The following FHIP1A variants were observed in gnomAD, a reference collection of about 807,000 sequenced individuals.
FHIP1A encodes the protein FHF complex subunit HOOK-interacting protein 1A.
A neutral mutation model predicts 88.6 loss-of-function variants in FHIP1A; 61 were observed. That is an observed-to-expected ratio of 0.69 (90% CI 0.56 to 0.85). The LOEUF (loss-of-function observed/expected upper bound fraction) is 0.85. Among genes scored for constraint, FHIP1A ranks in the 40% least tolerant of loss-of-function variants. The pLI is 0.00. For synonymous variants in FHIP1A, 478 were observed against 496.0 expected (o/e 0.96, Z 0.48); for missense variants, 1,154 against 1,273.5 (o/e 0.91, Z 1.43).
At position 151,656,614 on chromosome 4, in the gene FHIP1A, C is replaced by T. The variant is rs761275286; in HGVS notation, c.2731-146C>T. On this transcript the variant is annotated intron_variant, in intron 12 of 13. Transcript: ENST00000435205. This position sits in a 1 kb window ranked among gnomAD's most constrained non-coding sequence, Gnocchi z 4.2. The stretch of plus-strand genomic sequence containing the variant: ...AGTTTGATGTTTTGACGGTGCCCTA[C>T]GCAGAACACCCAGGCAGTTAAAAAT... 107 of 1,026,816 alleles carry T rather than the reference C, an allele frequency of 1.0e-4. No individual in the cohort carries two copies. Among genetic ancestry groups the T allele is most frequent in the Admixed American group, 5.6e-4 (21 of 37,716 alleles). 63.6% of individuals were successfully genotyped at this position (1,026,816 alleles called of 1,614,324 possible).
At chr4:151,421,099 G>GTAGT (rs1204340334) in intron 1 of FHIP1A, among the ~76,000 whole-genome samples, 1 of 152,154 alleles carries the variant, frequency 6.6e-6, no homozygotes, top group Non-Finnish European at 1.5e-5. Context: ...TTTGTCCCTT[G>GTAGT]TAGTTCCCTT....
chr4:151,594,840 T>C (rs1734586890), intron 7 of FHIP1A, among the ~76,000 whole-genome samples: 1 of 152,214 alleles, frequency 6.6e-6, no homozygotes, highest in Admixed American at 6.5e-5. Flanking sequence ...CCCAAAGTGC[T>C]GGGATTACAG....
At chr4:151,561,713 C>G (rs983027501) in intron 3 of FHIP1A, among the ~76,000 whole-genome samples, 9 of 152,126 alleles carry the variant, frequency 5.9e-5, no homozygotes, top group African/African-American at 2.2e-4. Context: ...AGTACATTCT[C>G]AAACAATGAA....
At chr4:151,645,599 T>A (rs1267216321) in intron 9 of FHIP1A, among the ~76,000 whole-genome samples, 1 of 151,050 alleles carries the variant, frequency 6.6e-6, no homozygotes, top group East Asian at 1.9e-4. Flanking sequence ...CTCTGGCTGA[T>A]TGAAAGTTTG....
At chr4:151,578,376 T>C (rs1050318371) in intron 5 of FHIP1A, among the ~76,000 whole-genome samples, 1 of 152,204 alleles carries the variant, frequency 6.6e-6, no homozygotes, top group South Asian at 2.1e-4. Context: ...TCCTGAGAGA[T>C]TGGTAAAACC....
rs376335318 is a variant in FHIP1A at position 151,608,037 on chromosome 4, C to CTTTTTTTTTTTTTTTTTTTTTTTT, written c.978+19113_978+19136dup. Among the ~76,000 whole-genome samples the CTTTTTTTTTTTTTTTTTTTTTTTT allele has an allele frequency of 3.9e-4, 26 of 67,106 alleles. 3 individuals are homozygous for CTTTTTTTTTTTTTTTTTTTTTTTT. Among genetic ancestry groups the CTTTTTTTTTTTTTTTTTTTTTTTT allele is most frequent in the South Asian group, 1.2e-3 (2 of 1,656 alleles). The allele number at this position is 67,106 out of a possible 152,430, so 44.0% of individuals were successfully genotyped here. A position where few individuals can be genotyped will look rare whatever the true frequency, so the allele number is the denominator to read the frequency against. On this transcript the variant is annotated intron_variant, in intron 7 of 13. Coordinates refer to ENST00000435205, the MANE Select transcript of FHIP1A (RefSeq NM_001109977.3). The stretch of plus-strand genomic sequence containing the variant: ...TTTTCTTTTCTTTTTCTTTCTTCTT[C>CTTTTTTTTTTTTTTTTTTTTTTTT]TTTTTTTTTTTTTTTTTTTTTTTTT...
chr4:151,425,854 C>T (rs1733350449), intron 1 of FHIP1A, among the ~76,000 whole-genome samples: 1 of 152,102 alleles, frequency 6.6e-6, no homozygotes, highest in South Asian at 2.1e-4. Context: ...CTGCCTTGCT[C>T]TTATAAGGAT....
chr4:151,591,045 T>C (rs889528969), intron 7 of FHIP1A, among the ~76,000 whole-genome samples: 4 of 152,064 alleles, frequency 2.6e-5, no homozygotes, highest in Non-Finnish European at 5.9e-5. Flanking sequence ...ATTTTTTTCC[T>C]TCTTAATTAA....
chr4:151,496,539 A>G (rs1440079951), intron 3 of FHIP1A, among the ~76,000 whole-genome samples: 1 of 151,842 alleles, frequency 6.6e-6, no homozygotes, highest in Non-Finnish European at 1.5e-5. Context: ...TCAGGAATAG[A>G]TTACATTTAT....
intron 4 of FHIP1A, among the ~76,000 whole-genome samples, chr4:151,576,353 T>C (rs576907664): frequency 4.3e-4 from 65 of 152,320 alleles, no homozygotes; most frequent in African/African-American, 1.5e-3. Flanking sequence ...TCTTTCTCTG[T>C]TGCCCAGGCT....
intron 3 of FHIP1A, among the ~76,000 whole-genome samples, chr4:151,553,103 T>G (rs2126748755): frequency 6.6e-6 from 1 of 152,294 alleles, no homozygotes; most frequent in East Asian, 1.9e-4. Context: ...TCTGGGAGTA[T>G]GCTGCATGGA....
At chr4:151,486,355 A>G (rs1730082583) in intron 3 of FHIP1A, among the ~76,000 whole-genome samples, 1 of 152,198 alleles carries the variant, frequency 6.6e-6, no homozygotes, top group African/African-American at 2.4e-5. Context: ...CTGTGTGCAC[A>G]TGAATCATCT....
chr4:151,562,459 G>A (rs1733209975), intron 3 of FHIP1A, among the ~76,000 whole-genome samples: 1 of 151,994 alleles, frequency 6.6e-6, no homozygotes, highest in Admixed American at 6.6e-5. Context: ...TCTTTTTCTT[G>A]TATCTTCAAA....
At chr4:151,499,748 C>T (rs1730584097) in intron 3 of FHIP1A, among the ~76,000 whole-genome samples, 1 of 152,162 alleles carries the variant, frequency 6.6e-6, no homozygotes, top group Non-Finnish European at 1.5e-5. Flanking sequence ...TCCTTCTTCA[C>T]ATGATGGCAG....
intron 1 of FHIP1A, among the ~76,000 whole-genome samples, chr4:151,423,944 T>C (rs1411008133): frequency 6.6e-6 from 1 of 152,226 alleles, no homozygotes; most frequent in East Asian, 1.9e-4. Context: ...TCACAAATTA[T>C]ATAAATCTAA....
intron 1 of FHIP1A, among the ~76,000 whole-genome samples, chr4:151,430,448 A>G (rs562968305): frequency 1.3e-5 from 2 of 152,294 alleles, no homozygotes; most frequent in East Asian, 3.9e-4. Flanking sequence ...CTACTATTCA[A>G]GATTATTTAT....
chr4:151,651,432 ATGG>A (rs1459249992), intron 11 of FHIP1A, among the ~76,000 whole-genome samples: 1 of 152,176 alleles, frequency 6.6e-6, no homozygotes, highest in Non-Finnish European at 1.5e-5. Flanking sequence ...GGACCACTGG[ATGG>A]TGTTCAGGTA....
intron 1 of FHIP1A, among the ~76,000 whole-genome samples, chr4:151,448,054 G>A (rs1561499193): frequency 1.3e-5 from 2 of 151,908 alleles, no homozygotes; most frequent in South Asian, 4.1e-4. Flanking sequence ...GACTACAGGT[G>A]TACACCAACA....
At chr4:151,443,429 T>C (rs1728479985) in intron 1 of FHIP1A, among the ~76,000 whole-genome samples, 1 of 152,134 alleles carries the variant, frequency 6.6e-6, no homozygotes, top group Non-Finnish European at 1.5e-5. Flanking sequence ...CAGCCTCAGC[T>C]ACCACGCATG....
Sources: gnomAD v4.1 joint callset for allele counts (sites outside exome capture counted in the v4.1 genomes callset) on GRCh38, gnomAD v4.1.1 for gene constraint, Gnocchi (gnomAD v3.1) non-coding constraint, MANE v1.5 for transcripts, NCBI Gene and HGNC (gene_info 2026-07-23, HGNC 2026-07-21) for gene names.